The following CABLES1 variants were observed in gnomAD, a reference collection of about 807,000 sequenced individuals.
The protein encoded by CABLES1 is CDK5 and ABL1 enzyme substrate 1.
In CABLES1, 36 loss-of-function variants were observed where a neutral mutation model predicts 57.8. That is an observed-to-expected ratio of 0.62 (90% CI 0.48 to 0.82). CABLES1 has a LOEUF of 0.82. Ranked by LOEUF, CABLES1 falls within the 40% of genes least tolerant of loss-of-function variation. The pLI, the probability that CABLES1 is intolerant of heterozygous loss-of-function variation, is 0.00. For synonymous variants in CABLES1, 374 were observed against 363.0 expected, an observed-to-expected ratio of 1.03 and a Z score of -0.35; for missense variants, 767 against 836.6, an observed-to-expected ratio of 0.92 and a Z score of 1.03.
rs971728795 is a variant in CABLES1, at chr18:23,217,948, C to T, written c.1088+3894C>T. ...GTCAGCAACACCGGAATTTGGGACC[C>T]GGGCTGCCCCAGCCTGCCGGGCCAT... On this transcript the variant is annotated intron_variant, in intron 4 of 9. Transcript: ENST00000256925. Among the ~76,000 whole-genome samples the T allele has an allele frequency of 2.9e-4, 44 of 152,330 alleles. 1 individual carries two copies. Among genetic ancestry groups the T allele is most frequent in the Admixed American group, 5.9e-4 (9 of 15,306 alleles).
chr18:23,164,937 A>G (rs2047031295), intron 1 of CABLES1, among the ~76,000 whole-genome samples: 1 of 151,884 alleles, frequency 6.6e-6, no homozygotes, highest in African/African-American at 2.4e-5. Context: ...ATGCCCAGCT[A>G]ACTTTTTGTA....
rs974851263 is a variant in CABLES1, at chr18:23,161,918, G to A, written c.845+25311G>A. On this transcript the variant is annotated intron_variant, in intron 1 of 9. Coordinates refer to ENST00000256925, the MANE Select transcript of CABLES1 (RefSeq NM_001100619.3). Reference sequence around the variant, plus strand: ...GCCTGGGTGGACAGAGCAAGACTCCGTCTCAAAAAAAAAAAAGCGGGTGGA... The same window carrying A: ...GCCTGGGTGGACAGAGCAAGACTCCATCTCAAAAAAAAAAAAGCGGGTGGA... Among the ~76,000 whole-genome samples the A allele has an allele frequency of 7.9e-5, 12 of 151,298 alleles. No homozygotes were observed. In the East Asian group the frequency reaches 1.4e-3, roughly 17 times the overall value.
At chr18:23,155,762 T>C (rs1598802243) in intron 1 of CABLES1, 4 of 1,455,010 alleles carry the variant, frequency 2.7e-6, no homozygotes. Context: ...CCTATGGCTT[T>C]AAGAAAATGG....
At chr18:23,241,502 C>T (rs1403637905) in intron 7 of CABLES1, among the ~76,000 whole-genome samples, 2 of 152,262 alleles carry the variant, frequency 1.3e-5, no homozygotes, top group African/African-American at 4.8e-5. Flanking sequence ...TTCACTTCAG[C>T]CTGGGCGACA....
chr18:23,199,228 A>G (rs568635180), intron 3 of CABLES1, among the ~76,000 whole-genome samples: 2 of 152,352 alleles, frequency 1.3e-5, no homozygotes, highest in Admixed American at 6.5e-5. Flanking sequence ...ACTGTCATAC[A>G]TTGCTGGTGG....
At chr18:23,142,674 G>A (rs80006503) in intron 1 of CABLES1, among the ~76,000 whole-genome samples, 5,167 of 152,278 alleles carry the variant, frequency 0.034, 88 homozygotes, top group Middle Eastern at 0.058. Context: ...ATGAGTCACC[G>A]CTGTCCTACT....
At chr18:23,207,625 A>G (rs980453444) in intron 3 of CABLES1, among the ~76,000 whole-genome samples, 1 of 152,212 alleles carries the variant, frequency 6.6e-6, no homozygotes, top group Non-Finnish European at 1.5e-5. Flanking sequence ...TAGCTGGGCC[A>G]TTCATCATCA....
At chr18:23,167,343 G>C (rs555630407) in intron 1 of CABLES1, among the ~76,000 whole-genome samples, 3 of 152,150 alleles carry the variant, frequency 2.0e-5, no homozygotes, top group Non-Finnish European at 4.4e-5. Context: ...AGGCTCCCTA[G>C]GGTCCAGCTA....
At chr18:23,245,320 C>T (rs555407786) in intron 7 of CABLES1, among the ~76,000 whole-genome samples, 1 of 152,208 alleles carries the variant, frequency 6.6e-6, no homozygotes, top group African/African-American at 2.4e-5. Context: ...CCAGCCTAGC[C>T]AACATGGCGA....
chr18:23,151,781 GGCAGACAGGAAGAGCAGCTGGT>G (rs2046932495), intron 1 of CABLES1, among the ~76,000 whole-genome samples: 1 of 152,202 alleles, frequency 6.6e-6, no homozygotes. Flanking sequence ...GAAGGATTGG[GGCAGACAGGAAGAGCAGCTGGT>G]GCAGACCAGG....
chr18:23,153,333 A>G (rs1297874351), intron 1 of CABLES1, among the ~76,000 whole-genome samples: 2 of 151,796 alleles, frequency 1.3e-5, no homozygotes, highest in African/African-American at 4.8e-5. Context: ...CCTGGGCTCA[A>G]GCCATCTGCC....
intron 7 of CABLES1, among the ~76,000 whole-genome samples, chr18:23,248,100 C>T (rs576459225): frequency 6.6e-6 from 1 of 152,362 alleles, no homozygotes; most frequent in East Asian, 1.9e-4. Flanking sequence ...CTGGCGCGCT[C>T]TGCCACCCTT....
At chr18:23,176,401 A>G (rs966188332) in intron 1 of CABLES1, among the ~76,000 whole-genome samples, 8 of 152,212 alleles carry the variant, frequency 5.3e-5, no homozygotes, top group Non-Finnish European at 8.8e-5. Flanking sequence ...CCAGGCAGTA[A>G]TGCTTGCTTG....
intron 7 of CABLES1, among the ~76,000 whole-genome samples, chr18:23,247,936 C>T (rs530873138): frequency 2.0e-3 from 300 of 152,356 alleles, no homozygotes; most frequent in South Asian, 6.2e-3. Context: ...TGCTCATGGG[C>T]CCTCCCTGCC....
intron 5 of CABLES1, among the ~76,000 whole-genome samples, chr18:23,235,624 T>G (rs1161019982): frequency 6.6e-6 from 1 of 152,222 alleles, no homozygotes; most frequent in Admixed American, 6.5e-5. Context: ...TAGTACCTTA[T>G]AGTCAAATAC....
At chr18:23,171,218 T>C (rs2047079993) in intron 1 of CABLES1, among the ~76,000 whole-genome samples, 1 of 152,248 alleles carries the variant, frequency 6.6e-6, no homozygotes, top group Non-Finnish European at 1.5e-5. Flanking sequence ...CCTCCATTCT[T>C]GTTCCCGTAA....
At chr18:23,217,839 G>C (rs954373767) in intron 4 of CABLES1, among the ~76,000 whole-genome samples, 1 of 152,234 alleles carries the variant, frequency 6.6e-6, no homozygotes, top group Non-Finnish European at 1.5e-5. Context: ...GTAAGTCATA[G>C]AATTTCAGGG....
intron 7 of CABLES1, among the ~76,000 whole-genome samples, chr18:23,242,275 T>G (rs1202474027): frequency 6.6e-6 from 1 of 151,840 alleles, no homozygotes. Context: ...TGAAACTCTG[T>G]CTCAAAAAAA....
At chr18:23,150,207 G>GTTTTTTGTTT (rs1555658964) in intron 1 of CABLES1, among the ~76,000 whole-genome samples, 2 of 106,674 alleles carry the variant, frequency 1.9e-5, no homozygotes, top group African/African-American at 8.2e-5. Flanking sequence ...GTTGGTGTTT[G>GTTTTTTGTTT]TTTTTTTTTT....
Sources: gnomAD v4.1 joint callset for allele counts (sites outside exome capture counted in the v4.1 genomes callset) on GRCh38, gnomAD v4.1.1 for gene constraint, MANE v1.5 for transcripts, NCBI Gene and HGNC (gene_info 2026-07-23, HGNC 2026-07-21) for gene names.